The following KLHL29 variants were observed in gnomAD, a reference collection of about 807,000 sequenced individuals.
KLHL29 encodes kelch like family member 29, also known as kelch-like protein 29.
Under a neutral mutation model 80.4 loss-of-function variants are expected in KLHL29, and 21 were observed. The observed-to-expected ratio is 0.26, with a 90% CI of 0.19 to 0.38. KLHL29 has a LOEUF of 0.38. Ranked by LOEUF, KLHL29 falls within the 10% of genes least tolerant of loss-of-function variation. The pLI is 1.00. For synonymous variants in KLHL29, 511 were observed against 526.8 expected (o/e 0.97, Z 0.41); for missense variants, 867 against 1,223.9 (o/e 0.71, Z 4.35).
intron 2 of KLHL29, among the ~76,000 whole-genome samples, chr2:23,510,712 C>T (rs1045716218): frequency 6.6e-6 from 1 of 152,188 alleles, no homozygotes; most frequent in Non-Finnish European, 1.5e-5. Flanking sequence ...GTTAGAGCTC[C>T]AGAGGGAGGG....
At chr2:23,561,928 C>T (rs1667456068) in intron 2 of KLHL29, among the ~76,000 whole-genome samples, 1 of 152,110 alleles carries the variant, frequency 6.6e-6, no homozygotes, top group African/African-American at 2.4e-5. Flanking sequence ...GGGTTCAAAT[C>T]CTGCCTACTT....
At chr2:23,434,474 A>G (rs1457919297) in intron 1 of KLHL29, among the ~76,000 whole-genome samples, 2 of 152,110 alleles carry the variant, frequency 1.3e-5, no homozygotes, top group African/African-American at 2.4e-5. Flanking sequence ...TTAGGGCACC[A>G]GTCAAGAATG....
chr2:23,467,703 C>T (rs1041982049), intron 1 of KLHL29, among the ~76,000 whole-genome samples: 1 of 152,204 alleles, frequency 6.6e-6, no homozygotes, highest in Non-Finnish European at 1.5e-5. Flanking sequence ...GTAGCAGCAT[C>T]TGCCCGAAGG....
intron 3 of KLHL29, among the ~76,000 whole-genome samples, chr2:23,592,864 C>G (rs1197937283): frequency 1.3e-5 from 2 of 152,208 alleles, no homozygotes; most frequent in African/African-American, 4.8e-5. Context: ...TCCCTGCAGG[C>G]ACGTTGGTCC....
chr2:23,645,557 T>A (rs988780133), intron 5 of KLHL29, among the ~76,000 whole-genome samples: 3 of 152,194 alleles, frequency 2.0e-5, no homozygotes. Context: ...ATCTAGCTCG[T>A]TAAAGTCCCC....
chr2:23,628,684 CTG>C (rs1374352343), intron 3 of KLHL29, among the ~76,000 whole-genome samples: 2 of 152,224 alleles, frequency 1.3e-5, no homozygotes, highest in Non-Finnish European at 2.9e-5. Flanking sequence ...GGTGTTCAGA[CTG>C]TAGTCTCTGA....
chr2:23,417,973 T>G (rs1662640687), intron 1 of KLHL29, among the ~76,000 whole-genome samples: 1 of 151,902 alleles, frequency 6.6e-6, no homozygotes, highest in South Asian at 2.1e-4. Flanking sequence ...CGCCCTGGAG[T>G]AGTTTGTTCA....
chr2:23,633,755 T>TGTGTGTGTGTGTGTGTGTGTGTGTGTG (rs1558416938), intron 3 of KLHL29, among the ~76,000 whole-genome samples: 2 of 27,854 alleles, frequency 7.2e-5, no homozygotes, highest in African/African-American at 2.4e-4. Flanking sequence ...GTCACAGCAC[T>TGTGTGTGTGTGTGTGTGTGTGTGTGTG]CGTGTGTGTG....
intron 2 of KLHL29, among the ~76,000 whole-genome samples, chr2:23,506,231 C>T (rs1054171575): frequency 1.3e-5 from 2 of 152,342 alleles, no homozygotes; most frequent in East Asian, 1.9e-4. Context: ...GACAGCTTGC[C>T]GTTGTTCACA....
At position 23,642,303 on chromosome 2, in the gene KLHL29, A is replaced by T. The variant is rs1669789843; in HGVS notation, c.428-35A>T. On this transcript the variant is annotated intron_variant, in intron 4 of 13. Transcript: ENST00000486442. ...TCAGTGTTTGTTGAATGAAAATGTAACCGGCAGATGACGTTTCTTCCATCT... is the reference window on the plus strand; with the variant it reads ...TCAGTGTTTGTTGAATGAAAATGTATCCGGCAGATGACGTTTCTTCCATCT... 5 of 1,395,168 alleles carry T rather than the reference A, an allele frequency of 3.6e-6. No individual in the cohort carries two copies. The South Asian group carries it at 7.7e-5, about 22-fold the overall frequency. 86.4% of individuals were successfully genotyped at this position (1,395,168 alleles called of 1,614,324 possible).
rs56019617 is a variant in KLHL29, at chr2:23,580,153, G to A, written c.285+17672G>A. Among the ~76,000 whole-genome samples, 639 of 149,228 alleles carry A rather than the reference G, an allele frequency of 4.3e-3. 2 individuals carry two copies. The highest frequency in any genetic ancestry group is 0.015 in the African/African-American group (605 of 40,358). ...TGGGAAGCTGAGGCGGGCCGATCACGAGGTCAGGAGATCAAGACCATCCTG... is the reference window on the plus strand; with the variant it reads ...TGGGAAGCTGAGGCGGGCCGATCACAAGGTCAGGAGATCAAGACCATCCTG... On this transcript the variant is annotated intron_variant, in intron 3 of 13. Transcript: ENST00000486442.
chr2:23,581,588 G>A (rs1171131712), intron 3 of KLHL29, among the ~76,000 whole-genome samples: 1 of 152,128 alleles, frequency 6.6e-6, no homozygotes, highest in Non-Finnish European at 1.5e-5. Context: ...CACTTTGGGA[G>A]GCCGAGGTGG....
intron 2 of KLHL29, among the ~76,000 whole-genome samples, chr2:23,540,830 C>T (rs906460921): frequency 6.6e-6 from 1 of 152,206 alleles, no homozygotes; most frequent in Non-Finnish European, 1.5e-5. Flanking sequence ...AGAGGACGGC[C>T]AGGAGTAGGC....
At chr2:23,448,304 G>A (rs1049802352) in intron 1 of KLHL29, among the ~76,000 whole-genome samples, 8 of 152,092 alleles carry the variant, frequency 5.3e-5, no homozygotes, top group African/African-American at 1.7e-4. Context: ...CCTTATTCCA[G>A]GCACTGTTCT....
chr2:23,634,856 GCATTCATT>G (rs570276807), intron 3 of KLHL29, among the ~76,000 whole-genome samples: 3 of 152,160 alleles, frequency 2.0e-5, no homozygotes, highest in Non-Finnish European at 4.4e-5. Flanking sequence ...TCCACCCTGT[GCATTCATT>G]CATTCATTCA....
chr2:23,404,124 A>G (rs1426226106), intron 1 of KLHL29, among the ~76,000 whole-genome samples: 2 of 152,224 alleles, frequency 1.3e-5, no homozygotes, highest in Non-Finnish European at 2.9e-5. Flanking sequence ...TTCCTCAGCC[A>G]GAACGAAATG....
chr2:23,683,039 A>G (rs1283413397), intron 5 of KLHL29, among the ~76,000 whole-genome samples: 1 of 152,246 alleles, frequency 6.6e-6, no homozygotes, highest in Non-Finnish European at 1.5e-5. Flanking sequence ...CCTGGCAATC[A>G]GGGAGCAGAA....
chr2:23,531,383 G>A (rs987419422), intron 2 of KLHL29, among the ~76,000 whole-genome samples: 1 of 152,200 alleles, frequency 6.6e-6, no homozygotes, highest in Non-Finnish European at 1.5e-5. Flanking sequence ...GAGAAGAACA[G>A]GCGACCGTCC....
At chr2:23,576,741 T>C (rs1412366829) in intron 3 of KLHL29, among the ~76,000 whole-genome samples, 1 of 152,224 alleles carries the variant, frequency 6.6e-6, no homozygotes, top group Non-Finnish European at 1.5e-5. Context: ...CGTCCAGCAA[T>C]GGACTGTGCG....
Sources: allele counts gnomAD v4.1 joint callset (sites outside exome capture counted in the v4.1 genomes callset), GRCh38; gene constraint gnomAD v4.1.1; transcripts MANE v1.5; gene names NCBI Gene and HGNC (gene_info 2026-07-23, HGNC 2026-07-21).